The following LONRF2 variants were observed in gnomAD, a reference collection of about 807,000 sequenced individuals.
The protein encoded by LONRF2 is LON peptidase N-terminal domain and RING finger protein 2.
Under a neutral mutation model 66.6 loss-of-function variants are expected in LONRF2, and 35 were observed. The observed-to-expected ratio is 0.53, with a 90% CI of 0.40 to 0.70. The LOEUF is 0.70. Among genes scored for constraint, LONRF2 ranks in the 30% least tolerant of loss-of-function variants. The pLI, the probability that LONRF2 is intolerant of heterozygous loss-of-function variation, is 0.00. For missense variants in LONRF2, 902 were observed against 1,002.1 expected (o/e 0.90, Z 1.35); for synonymous variants, 417 against 418.1 (o/e 1.00, Z 0.03).
chr2:100,299,366 T>C (rs1362538513), intron 5 of LONRF2, 47 bp from the exon 6 acceptor site: 3 of 1,115,026 alleles, frequency 2.7e-6, no homozygotes, highest in East Asian at 2.5e-5. Flanking sequence ...CCTAAGCACC[T>C]GAACAACAGC....
rs1675122667 is a variant in LONRF2, at chr2:100,298,848, G to A, written c.1464C>T (p.Asp488=). The A allele has an allele frequency of 1.2e-6, 2 of 1,613,650 alleles. No individual in the cohort carries two copies. Among genetic ancestry groups the A allele is most frequent in the Admixed American group, 1.7e-5 (1 of 59,996 alleles). The change falls in exon 7 of 12, where the codon GAC becomes GAT. Residue 488 remains aspartate (D), a synonymous_variant. Transcript: ENST00000393437. ...AAAGTGTACTTACTTCCGAAAGTTT[G>A]TCTTTGCACAAAGGACAGTGTGGGG... ...DHAPHCPLCK[D]KLSELLASRN...
At position 100,282,459 on chromosome 2, in the gene LONRF2, C is replaced by A. The variant is rs1674759089; in HGVS notation, c.*1839G>T. 1 of 152,194 alleles carries A rather than the reference C, an allele frequency of 6.6e-6. No homozygotes were observed. 9.4% of individuals were successfully genotyped at this position (152,194 alleles called of 1,614,324 possible). A position where few individuals can be genotyped will look rare whatever the true frequency, so the allele number is the denominator to read the frequency against. On this transcript the variant is annotated 3_prime_UTR_variant, in exon 12 of 12. Transcript: ENST00000393437. ...AGGGAAAGGCAGAGAATGGTCAATG[C>A]ATACTGATTTTCATGAACCACTTCT... is the stretch of plus-strand genomic sequence containing the variant.
At chr2:100,319,390 T>C (rs1350972647) in intron 1 of LONRF2, among the ~76,000 whole-genome samples, 5 of 152,144 alleles carry the variant, frequency 3.3e-5, no homozygotes, top group African/African-American at 1.2e-4. Context: ...AAAATATAAG[T>C]ATATAGTGCA....
chr2:100,286,934 CT>C lies in LONRF2; in HGVS notation c.2049del (p.Asp684ThrfsTer36). The stretch of plus-strand genomic sequence containing the variant: ...CATACCTGAGGCTCAGGTTCTCTGT[CT>C]GGCATTACCCCAAAATGACTTAAAA... ...EQILSHFGVM[P>X]DREPEPQSNP... is the part of the protein sequence containing the mutation. On this transcript the variant is annotated frameshift_variant, in exon 11 of 12. Coordinates refer to ENST00000393437, the MANE Select transcript of LONRF2 (RefSeq NM_198461.4). LOFTEE classifies it low-confidence loss of function (END_TRUNC). 1 of 1,613,978 alleles carries C rather than the reference CT, an allele frequency of 6.2e-7. No homozygotes were observed. The highest frequency in any genetic ancestry group is 8.5e-7 in the Non-Finnish European group (1 of 1,179,922).
At position 100,283,123 on chromosome 2, in the gene LONRF2, C is replaced by T. The variant is rs1258221203; in HGVS notation, c.*1175G>A. ...TATGAGTATCTCAGATTCAGTTATT[C>T]CAATCAATATCACCAACGTGCATTA... On this transcript the variant is annotated 3_prime_UTR_variant, in exon 12 of 12. Transcript: ENST00000393437. The T allele has an allele frequency of 2.0e-5, 3 of 152,084 alleles. No individual in the cohort carries two copies. The highest frequency in any genetic ancestry group is 4.4e-5 in the Non-Finnish European group (3 of 68,022). 9.4% of individuals were successfully genotyped at this position (152,084 alleles called of 1,614,324 possible). A position where few individuals can be genotyped will look rare whatever the true frequency, so the allele number is the denominator to read the frequency against.
Position 100,290,345 on chromosome 2 carries a change from C to T in LONRF2, c.1833G>A (p.Ala611=), listed in dbSNP as rs199722110. ...GCACTCGGAACCGACTGATGCCAAT[C>T]GCGTCTACAACAGAACTTCCATCAG... ...TFPDGSSVVD[A]IGISRFRVLS... Residue 611 remains alanine (A), a synonymous_variant, in exon 10 of 12, where the codon GCG becomes GCA. Transcript: ENST00000393437. 5.5e-5 allele frequency: 89 copies of T among 1,614,180 alleles called. No individual in the cohort carries two copies. Among genetic ancestry groups the T allele is most frequent in the Middle Eastern group, 3.3e-4 (2 of 6,062 alleles).
At chr2:100,298,787 C>A (rs768566670) in intron 7 of LONRF2, 49 bp downstream of exon 7, 1 of 1,399,282 alleles carries the variant, frequency 7.1e-7, no homozygotes, top group South Asian at 1.2e-5. Flanking sequence ...AAGCGTCCAC[C>A]AAGGGATGAG....
Position 100,273,382 on chromosome 2 carries a change from C to A in LONRF2, c.*10916G>T, listed in dbSNP as rs557906629. On this transcript the variant is annotated 3_prime_UTR_variant, in exon 12 of 12. Transcript: ENST00000393437. ...CGACACAAACACAAAGGCCTAGGCA[C>A]TGATTTGATCTAATTTCTCATCAGT... 6.6e-6 allele frequency: 1 copy of A among 152,306 alleles called. No individual in the cohort carries two copies. The highest frequency in any genetic ancestry group is 2.1e-4 in the South Asian group (1 of 4,818). The allele number at this position is 152,306 out of a possible 1,614,324, so 9.4% of individuals were successfully genotyped here.
intron 7 of LONRF2, among the ~76,000 whole-genome samples, chr2:100,298,485 G>A (rs958742349): frequency 6.6e-6 from 1 of 152,100 alleles, no homozygotes; most frequent in Non-Finnish European, 1.5e-5. Flanking sequence ...TCAATCCTAC[G>A]AAAAACTCTC....
intron 2 of LONRF2, among the ~76,000 whole-genome samples, chr2:100,307,164 C>T (rs996404052): frequency 6.6e-6 from 1 of 152,126 alleles, no homozygotes; most frequent in Non-Finnish European, 1.5e-5. Context: ...TCGTGATCCG[C>T]CCGTCTCGGC....
Position 100,321,742 on chromosome 2 carries a change from G to T in LONRF2, c.352C>A (p.Pro118Thr), listed in dbSNP as rs1331866975. 2.8e-6 allele frequency: 3 copies of T among 1,088,756 alleles called. No individual in the cohort carries two copies. Among genetic ancestry groups the T allele is most frequent in the South Asian group, 4.3e-5 (1 of 23,102 alleles). 67.4% of individuals were successfully genotyped at this position (1,088,756 alleles called of 1,614,324 possible). A position where few individuals can be genotyped will look rare whatever the true frequency, so the allele number is the denominator to read the frequency against. ...LRDRPLSAEN[P>T]GGEPEAPGEG... ...CCGGGCGCCTCGGGCTCGCCGCCCG[G>T]GTTCTCCGCGGACAGCGGCCGGTCG... Residue 118 changes from proline (P) to threonine (T), a missense_variant, in exon 1 of 12, where the codon CCG becomes ACG. Pro to Thr is a conservative substitution (Grantham distance 38, BLOSUM62 -1). This residue lies in a region of LONRF2 where 585 missense variants were observed against 569.9 expected (regional missense o/e 1.03). Transcript: ENST00000393437.
At chr2:100,305,641 A>G (rs528541238) in intron 2 of LONRF2, among the ~76,000 whole-genome samples, 43 of 152,300 alleles carry the variant, frequency 2.8e-4, no homozygotes, top group African/African-American at 8.9e-4. Context: ...AAGAGCAGCC[A>G]TTTCAAAAGA....
Position 100,321,698 on chromosome 2 carries a change from C to T in LONRF2, c.396G>A (p.Pro132=). 1 of 1,207,192 alleles carries T rather than the reference C, an allele frequency of 8.3e-7. No homozygotes were observed. The allele number at this position is 1,207,192 out of a possible 1,614,324, so 74.8% of individuals were successfully genotyped here. A position where few individuals can be genotyped will look rare whatever the true frequency, so the allele number is the denominator to read the frequency against. The change falls in exon 1 of 12, where the codon CCG becomes CCA. Residue 132 remains proline (P), a synonymous_variant. Transcript: ENST00000393437. ...GCAGGTCGCGGGGCGCGCGGGGCTC[C>T]GGGGCCGGCCCTCCCTCGCCGGGCG... is the stretch of plus-strand genomic sequence containing the variant. ...PEAPGEGGPA[P]EPRAPRDLLG...
chr2:100,286,513 G>GAT (rs1411457212), intron 11 of LONRF2, among the ~76,000 whole-genome samples: 3 of 152,226 alleles, frequency 2.0e-5, no homozygotes, highest in African/African-American at 4.8e-5. Flanking sequence ...TCACAAGAAT[G>GAT]ATGGGATTTT....
intron 1 of LONRF2, among the ~76,000 whole-genome samples, chr2:100,316,174 C>A (rs1026065306): frequency 2.6e-5 from 4 of 151,776 alleles, no homozygotes; most frequent in African/African-American, 9.7e-5. Context: ...AAAAAATTAG[C>A]CAGGCGTTGT....
At position 100,278,216 on chromosome 2, in the gene LONRF2, TAA is replaced by T. The variant is rs1291140203; in HGVS notation, c.*6080_*6081del. ...GTTGACTCACACCTCACACAAACTT[TAA>T]AAAACATTACCATAGTCCCCTTTAA... On this transcript the variant is annotated 3_prime_UTR_variant, in exon 12 of 12. Coordinates refer to ENST00000393437, the MANE Select transcript of LONRF2 (RefSeq NM_198461.4). The T allele has an allele frequency of 3.3e-5, 5 of 152,148 alleles. No individual in the cohort carries two copies. The highest frequency in any genetic ancestry group is 7.3e-5 in the Non-Finnish European group (5 of 68,030). The allele number at this position is 152,148 out of a possible 1,614,324, so 9.4% of individuals were successfully genotyped here.
Position 100,280,421 on chromosome 2 carries a change from A to T in LONRF2, c.*3877T>A, listed in dbSNP as rs1674691588. On this transcript the variant is annotated 3_prime_UTR_variant, in exon 12 of 12. Coordinates refer to ENST00000393437, the MANE Select transcript of LONRF2 (RefSeq NM_198461.4). ...ATAGAATCAGAATGTGGCCTTTGGG[A>T]AGGACGATGTTGAAGGGGAAGAACT... 1 of 152,070 alleles carries T rather than the reference A, an allele frequency of 6.6e-6. No individual in the cohort carries two copies. Among genetic ancestry groups the T allele is most frequent in the African/African-American group, 2.4e-5 (1 of 41,380 alleles). 9.4% of individuals were successfully genotyped at this position (152,070 alleles called of 1,614,324 possible). A position where few individuals can be genotyped will look rare whatever the true frequency, so the allele number is the denominator to read the frequency against.
At chr2:100,298,329 T>C (rs1026855042) in intron 7 of LONRF2, among the ~76,000 whole-genome samples, 1 of 152,170 alleles carries the variant, frequency 6.6e-6, no homozygotes, top group African/African-American at 2.4e-5. Flanking sequence ...CTGGATTTAA[T>C]AGTTTATATT....
In LONRF2 at chr2:100,290,364, C is replaced by G. The variant is rs769897488; in HGVS notation, c.1814G>C (p.Gly605Ala). The part of the protein sequence containing the change: ...EIKDVRTFPD[G>A]SSVVDAIGIS... ...GCCAATCGCGTCTACAACAGAACTT[C>G]CATCAGGAAACGTTCTCACGTCCTT... Residue 605 changes from glycine (G) to alanine (A), a missense_variant, in exon 10 of 12, where the codon GGA (glycine) becomes GCA (alanine). Coordinates refer to ENST00000393437, the MANE Select transcript of LONRF2 (RefSeq NM_198461.4). The G allele has an allele frequency of 1.2e-6, 2 of 1,614,036 alleles. No individual in the cohort carries two copies. Among genetic ancestry groups the G allele is most frequent in the East Asian group, 2.2e-5 (1 of 44,878 alleles).
Sources: gnomAD v4.1 joint callset for allele counts (sites outside exome capture counted in the v4.1 genomes callset) on GRCh38, gnomAD v4.1.1 for gene constraint, gnomAD v4.1.1 regional missense constraint, MANE v1.5 for transcripts, NCBI Gene and HGNC (gene_info 2026-07-23, HGNC 2026-07-21) for gene names.